Variants in SPACA7 observed in about 807,000 individuals in gnomAD.
SPACA7 encodes the protein sperm acrosome-associated protein 7.
A neutral mutation model predicts 26.3 loss-of-function variants in SPACA7; 19 were observed. The ratio of observed to expected loss-of-function variants is 0.72; its 90% CI spans 0.50 to 1.06. SPACA7 has a LOEUF of 1.06. Ranked by LOEUF, SPACA7 falls within the 50% of genes least tolerant of loss-of-function variation. SPACA7 has a pLI of 0.00. For missense variants in SPACA7, 211 were observed against 229.9 expected, an observed-to-expected ratio of 0.92 and a Z score of 0.53; for synonymous variants, 84 against 84.5, an observed-to-expected ratio of 0.99 and a Z score of 0.04.
chr13:112,414,702 G>T (rs751653698), intron 5 of SPACA7, among the ~76,000 whole-genome samples: 3 of 152,022 alleles, frequency 2.0e-5, no homozygotes, highest in Non-Finnish European at 4.4e-5. Flanking sequence ...GTGAGCCACC[G>T]TGCCCAACCT....
rs531187142 is a variant in SPACA7, at chr13:112,377,154, A to G, written c.94+675A>G. 2.6e-4 allele frequency among the ~76,000 whole-genome samples: 40 copies of G among 152,332 alleles called. No individual in the cohort carries two copies. The South Asian group carries it at 8.3e-3, about 32-fold the overall frequency. ...ATGAACATTGCTAAAAGGTAGGAGA[A>G]TTCTTTGCTAAACTGATTCAGCAAA... On this transcript the variant is annotated intron_variant, in intron 1 of 6. Coordinates refer to ENST00000283550, the MANE Select transcript of SPACA7 (RefSeq NM_145248.5).
In SPACA7 at chr13:112,393,044, A is replaced by G; in HGVS notation, c.118A>G (p.Ser40Gly). ...IPGSPTEIPF[S>G]SKQEDMSELL... is the part of the protein sequence containing the mutation. ...AGGTTCACCTACTGAAATACCATTC[A>G]GTTCAAAACAGGAGGATATGTCTGA... The change falls in exon 2 of 7, where the codon AGT becomes GGT. Residue 40 changes from serine (S) to glycine (G), a missense_variant. By Grantham distance (56) the Ser-to-Gly change is moderately conservative. Coordinates refer to ENST00000283550, the MANE Select transcript of SPACA7 (RefSeq NM_145248.5). 1 of 1,612,886 alleles carries G rather than the reference A, an allele frequency of 6.2e-7. No individual in the cohort carries two copies. Among genetic ancestry groups the G allele is most frequent in the Non-Finnish European group, 8.5e-7 (1 of 1,179,236 alleles).
At chr13:112,383,571 G>A (rs1704887509) in intron 1 of SPACA7, among the ~76,000 whole-genome samples, 1 of 152,124 alleles carries the variant, frequency 6.6e-6, no homozygotes, top group Non-Finnish European at 1.5e-5. Context: ...TAAAAGCCGA[G>A]CCCAGCCATG....
intron 2 of SPACA7, among the ~76,000 whole-genome samples, chr13:112,397,579 C>T (rs1246625520): frequency 6.6e-6 from 1 of 152,226 alleles, no homozygotes; most frequent in Non-Finnish European, 1.5e-5. Flanking sequence ...GTCTGTCAGA[C>T]ACAAAGCTCA....
chr13:112,400,687 T>C (rs1885584363), intron 4 of SPACA7, among the ~76,000 whole-genome samples: 1 of 152,242 alleles, frequency 6.6e-6, no homozygotes. Context: ...CGCACTCCTT[T>C]CTTCCTACCC....
chr13:112,395,933 A>T (rs1437072942), intron 2 of SPACA7, among the ~76,000 whole-genome samples: 1 of 151,924 alleles, frequency 6.6e-6, no homozygotes, highest in East Asian at 1.9e-4. Flanking sequence ...TCTAGCCCTG[A>T]CCAATCTCCC....
At chr13:112,432,566 T>A (rs1296063160) in intron 6 of SPACA7, 45 bp downstream of exon 6, 20 of 1,427,212 alleles carry the variant, frequency 1.4e-5, no homozygotes, top group Non-Finnish European at 2.0e-5. Flanking sequence ...TTGGGGATTC[T>A]TTTCCTGCTC....
chr13:112,408,777 T>C (rs1056212881), intron 5 of SPACA7, among the ~76,000 whole-genome samples: 12 of 152,054 alleles, frequency 7.9e-5, no homozygotes, highest in Non-Finnish European at 1.3e-4. Context: ...ATCATGAAAA[T>C]GGCCATACTG....
chr13:112,428,220 A>G (rs556011156), intron 5 of SPACA7, among the ~76,000 whole-genome samples: 12 of 152,238 alleles, frequency 7.9e-5, no homozygotes, highest in Admixed American at 5.2e-4. Flanking sequence ...TTTTATTTTC[A>G]TCCAGTTCAA....
At chr13:112,409,642 A>C (rs1268388538) in intron 5 of SPACA7, among the ~76,000 whole-genome samples, 3 of 152,244 alleles carry the variant, frequency 2.0e-5, no homozygotes, top group African/African-American at 7.2e-5. Flanking sequence ...CCATCAGAGA[A>C]ATGCAAATCA....
intron 5 of SPACA7, among the ~76,000 whole-genome samples, chr13:112,420,322 T>A (rs1325169975): frequency 6.6e-6 from 1 of 152,082 alleles, no homozygotes; most frequent in Non-Finnish European, 1.5e-5. Context: ...TGTTAAATAA[T>A]CTAGTGGAAA....
chr13:112,399,303 C>T, intron 4 of SPACA7, 130 bp downstream of exon 4: 3 of 681,552 alleles, frequency 4.4e-6, no homozygotes, highest in Non-Finnish European at 8.0e-6. Flanking sequence ...TGCCCACTTC[C>T]CCTGGTTGGG....
chr13:112,399,547 CAG>C (rs1885504434), intron 4 of SPACA7, among the ~76,000 whole-genome samples: 1 of 152,240 alleles, frequency 6.6e-6, no homozygotes, highest in Non-Finnish European at 1.5e-5. Flanking sequence ...AGAGTGCCCC[CAG>C]GGGGGTCCCC....
At chr13:112,389,686 C>T (rs1423121537) in intron 1 of SPACA7, among the ~76,000 whole-genome samples, 1 of 152,212 alleles carries the variant, frequency 6.6e-6, no homozygotes, top group Admixed American at 6.5e-5. Context: ...GGTACATACA[C>T]ATACAGACAG....
Position 112,401,116 on chromosome 13 carries a change from C to T in SPACA7, c.397C>T (p.Arg133Cys), listed in dbSNP as rs774817559. 133 of 1,614,020 alleles carry T rather than the reference C, an allele frequency of 8.2e-5. No individual in the cohort carries two copies. The highest frequency in any genetic ancestry group is 1.0e-4 in the Non-Finnish European group (121 of 1,180,028). Reference protein sequence around the residue: ...NLHGDPSENYRGPQVSPGSEK... With the variant: ...NLHGDPSENYCGPQVSPGSEK... ...CCATGGCGATCCTTCTGAGAATTAT[C>T]GTGGGCCACAGGTGTCTCCTGGCAG... The change falls in exon 5 of 7, where the codon CGT becomes TGT. Residue 133 changes from arginine to cysteine, a missense_variant. Physicochemically the swap from Arg to Cys is radical, Grantham distance 180 (BLOSUM62 -3). Coordinates refer to ENST00000283550, the MANE Select transcript of SPACA7 (RefSeq NM_145248.5).
At chr13:112,426,213 C>T (rs954095236) in intron 5 of SPACA7, among the ~76,000 whole-genome samples, 1 of 152,152 alleles carries the variant, frequency 6.6e-6, no homozygotes, top group Non-Finnish European at 1.5e-5. Flanking sequence ...GCATATTTGT[C>T]GAAAATCAGT....
At chr13:112,391,126 G>C (rs1159274051) in intron 1 of SPACA7, among the ~76,000 whole-genome samples, 1 of 152,238 alleles carries the variant, frequency 6.6e-6, no homozygotes, top group Non-Finnish European at 1.5e-5. Context: ...TCAGGTCACA[G>C]TTGTGTAAGG....
chr13:112,378,689 T>G (rs1266761564), intron 1 of SPACA7: 1 of 471,088 alleles, frequency 2.1e-6, no homozygotes, highest in Admixed American at 2.3e-5. Flanking sequence ...AATGACCTTC[T>G]TCACTCACCT....
rs536360238 is a variant in SPACA7 at position 112,397,472 on chromosome 13, C to T, written c.152-577C>T. 1.6e-4 allele frequency among the ~76,000 whole-genome samples: 25 copies of T among 152,328 alleles called. 1 individual carries two copies. In the East Asian group the frequency reaches 4.8e-3, roughly 29 times the overall value. On this transcript the variant is annotated intron_variant, in intron 2 of 6. Coordinates refer to ENST00000283550, the MANE Select transcript of SPACA7 (RefSeq NM_145248.5). Reference sequence around the variant, plus strand: ...AGGAAAGCCCACAGGCAAATACACACCCCCATTTTACAGACAGGAAACCAA... The same window carrying T: ...AGGAAAGCCCACAGGCAAATACACATCCCCATTTTACAGACAGGAAACCAA...
Sources: gnomAD v4.1 joint callset for allele counts (sites outside exome capture counted in the v4.1 genomes callset) on GRCh38, gnomAD v4.1.1 for gene constraint, MANE v1.5 for transcripts, NCBI Gene and HGNC (gene_info 2026-07-23, HGNC 2026-07-21) for gene names.